The following TSPEAR variants were observed in gnomAD, a reference collection of about 807,000 sequenced individuals.
The protein encoded by TSPEAR is thrombospondin-type laminin G domain and EAR repeat-containing protein.
A neutral mutation model predicts 71.6 loss-of-function variants in TSPEAR; 69 were observed. The ratio of observed to expected loss-of-function variants is 0.96; its 90% CI spans 0.79 to 1.18. The LOEUF (loss-of-function observed/expected upper bound fraction) is 1.18. TSPEAR is among the 50% of genes most tolerant of loss of function. The probability of loss-of-function intolerance (pLI) is 0.00; values close to 1 mark genes in which losing one functional copy is unlikely to be tolerated. For synonymous variants in TSPEAR, 402 were observed against 387.2 expected, an observed-to-expected ratio of 1.04 and a Z score of -0.45; for missense variants, 971 against 894.9, an observed-to-expected ratio of 1.09 and a Z score of -1.09.
intron 1 of TSPEAR, chr21:44,580,488 A>T: frequency 1.2e-6 from 2 of 1,613,248 alleles, no homozygotes; most frequent in Non-Finnish European, 1.7e-6. Flanking sequence ...GCGGTGCCGC[A>T]GGGGGGCTCA....
At chr21:44,630,728 C>A (rs1459094667) in intron 1 of TSPEAR, among the ~76,000 whole-genome samples, 1 of 152,080 alleles carries the variant, frequency 6.6e-6, no homozygotes, top group Admixed American at 6.6e-5. Context: ...CCCAGGTGAG[C>A]ACTGAGGGTG....
intron 1 of TSPEAR, among the ~76,000 whole-genome samples, chr21:44,614,673 T>C (rs868956925): frequency 3.3e-5 from 5 of 152,202 alleles, no homozygotes; most frequent in South Asian, 2.1e-4. Flanking sequence ...CATGACAGAC[T>C]TCTCCAATGA....
At chr21:44,570,833 A>C (rs1415966164) in intron 1 of TSPEAR, among the ~76,000 whole-genome samples, 2 of 152,244 alleles carry the variant, frequency 1.3e-5, no homozygotes, top group Non-Finnish European at 1.5e-5. Flanking sequence ...ATTGTCAGAA[A>C]TTAAAAGGCT....
At chr21:44,502,368 A>C (rs1288892831) in intron 11 of TSPEAR, among the ~76,000 whole-genome samples, 1 of 152,250 alleles carries the variant, frequency 6.6e-6, no homozygotes, top group Non-Finnish European at 1.5e-5. Context: ...CTTTATTCTC[A>C]GAGGTAATTA....
At chr21:44,522,748 G>A (rs985471013) in intron 8 of TSPEAR, among the ~76,000 whole-genome samples, 3 of 152,240 alleles carry the variant, frequency 2.0e-5, no homozygotes, top group Non-Finnish European at 2.9e-5. Context: ...GGCACAAGGC[G>A]GGACAGCTGC....
chr21:44,507,746 G>A (rs2052236481), intron 10 of TSPEAR, among the ~76,000 whole-genome samples: 1 of 152,184 alleles, frequency 6.6e-6, no homozygotes, highest in Non-Finnish European at 1.5e-5. Context: ...TATTCTAAAT[G>A]TTGTTCTAAA....
In TSPEAR at chr21:44,539,691, G is replaced by A. The variant is rs1275542701; in HGVS notation, c.304-5768C>T. ...GAAGAGGAATCCTCAGAGCAGGTGGGCACATAGCACACAGGCTTGCAGCAA... is the reference window on the plus strand; with the variant it reads ...GAAGAGGAATCCTCAGAGCAGGTGGACACATAGCACACAGGCTTGCAGCAA... On this transcript the variant is annotated intron_variant, in intron 2 of 11. Coordinates refer to ENST00000323084, the MANE Select transcript of TSPEAR (RefSeq NM_144991.3). 32 of 1,595,004 alleles carry A rather than the reference G, an allele frequency of 2.0e-5. No homozygotes were observed. The highest frequency in any genetic ancestry group is 3.5e-5 in the Admixed American group (2 of 57,276).
At chr21:44,522,628 G>A (rs1176431054) in intron 8 of TSPEAR, among the ~76,000 whole-genome samples, 4 of 152,220 alleles carry the variant, frequency 2.6e-5, no homozygotes, top group Admixed American at 6.5e-5. Flanking sequence ...AGGCCGGCTC[G>A]TGGAGCTACA....
At position 44,697,580 on chromosome 21, in the gene TSPEAR, C is replaced by T; in HGVS notation, c.82+13853G>A. ...GTGCTGTATGCCCGTCTGCTGTGGG[C>T]CTTCTTCTTCATGCTGCCAGCAGTC... On this transcript the variant is annotated intron_variant, in intron 1 of 11. Transcript: ENST00000323084. 2.5e-6 allele frequency: 4 copies of T among 1,612,814 alleles called. No individual in the cohort carries two copies. In the East Asian group the frequency reaches 6.7e-5, roughly 27 times the overall value.
intron 8 of TSPEAR, among the ~76,000 whole-genome samples, chr21:44,522,705 C>G (rs2052759504): frequency 6.6e-6 from 1 of 152,260 alleles, no homozygotes; most frequent in African/African-American, 2.4e-5. Context: ...TGTCCCGGTA[C>G]CTTCCAGGCC....
intron 1 of TSPEAR, chr21:44,682,278 G>A: frequency 1.1e-6 from 1 of 876,620 alleles, no homozygotes; most frequent in Non-Finnish European, 1.7e-6. Context: ...CTGTTTCCTG[G>A]AACTCAGTTT....
chr21:44,563,937 C>A (rs1334132552), intron 2 of TSPEAR, among the ~76,000 whole-genome samples: 1 of 152,194 alleles, frequency 6.6e-6, no homozygotes, highest in Non-Finnish European at 1.5e-5. Flanking sequence ...CACATCACAG[C>A]CTTTTTGCAC....
At chr21:44,658,458 T>G (rs1555943048) in intron 1 of TSPEAR, 1 of 615,404 alleles carries the variant, frequency 1.6e-6, no homozygotes, top group South Asian at 2.1e-5. Flanking sequence ...AAGGAAGTCT[T>G]GGCTGCCAGA....
intron 1 of TSPEAR, among the ~76,000 whole-genome samples, chr21:44,645,226 A>G (rs1555939256): frequency 6.6e-6 from 1 of 152,230 alleles, no homozygotes; most frequent in Non-Finnish European, 1.5e-5. Flanking sequence ...TGCAGCTTCA[A>G]ATAAAACAAA....
At chr21:44,581,418 T>C (rs1555925116) in intron 1 of TSPEAR, among the ~76,000 whole-genome samples, 1 of 152,208 alleles carries the variant, frequency 6.6e-6, no homozygotes, top group East Asian at 1.9e-4. Context: ...TTATTATAAA[T>C]AATAACAAAA....
At position 44,612,190 on chromosome 21, in the gene TSPEAR, C is replaced by A. The variant is rs782586501; in HGVS notation, c.83-44185G>T. On this transcript the variant is annotated intron_variant, in intron 1 of 11. Coordinates refer to ENST00000323084, the MANE Select transcript of TSPEAR (RefSeq NM_144991.3). The surrounding 1 kb of genome is among the most constrained non-coding windows in gnomAD (Gnocchi z 4.1). ...GTGACGTGGGCCATGTCAGCCGAGT[C>A]TCCTCCCCCAGCACCTGCACTGGCT... 5 of 1,614,010 alleles carry A rather than the reference C, an allele frequency of 3.1e-6. No homozygotes were observed. The African/African-American group carries it at 6.7e-5, about 22-fold the overall frequency.
In TSPEAR at chr21:44,617,075, ACTCACTCAC is replaced by A. The variant is rs587631206; in HGVS notation, c.83-49079_83-49071del. Reference sequence around the variant, plus strand: ...CCCCAAGCACCTCACTCACTCACCCACTCACTCACCTCACTCACCCACTCATGCCTCCCC... The same window carrying A: ...CCCCAAGCACCTCACTCACTCACCCACTCACTCACCCACTCATGCCTCCCC... On this transcript the variant is annotated intron_variant, in intron 1 of 11. Transcript: ENST00000323084. Among the ~76,000 whole-genome samples the A allele has an allele frequency of 1.6e-4, 25 of 151,802 alleles. No homozygotes were observed. In the East Asian group the frequency reaches 3.7e-3, roughly 23 times the overall value.
chr21:44,517,466 A>C (rs1399790048), intron 9 of TSPEAR: 2 of 276,948 alleles, frequency 7.2e-6, no homozygotes, highest in African/African-American at 4.5e-5. Flanking sequence ...GGACGTGAGC[A>C]CAGGTCCAGC....
chr21:44,637,030 C>A (rs1389374247), intron 1 of TSPEAR, among the ~76,000 whole-genome samples: 11 of 152,334 alleles, frequency 7.2e-5, no homozygotes, highest in Non-Finnish European at 1.3e-4. Flanking sequence ...CAGACAGAGG[C>A]TGGGCCTCCC....
Sources: allele counts gnomAD v4.1 joint callset (sites outside exome capture counted in the v4.1 genomes callset), GRCh38; gene constraint gnomAD v4.1.1; non-coding constraint Gnocchi (gnomAD v3.1); transcripts MANE v1.5; gene names NCBI Gene and HGNC (gene_info 2026-07-23, HGNC 2026-07-21).